Variants in ADGRG4 observed in about 807,000 individuals in gnomAD.
The protein encoded by ADGRG4 is adhesion G protein-coupled receptor G4, also known as G protein-coupled receptor 112.
ADGRG4 carries 122 observed loss-of-function variants against 126.2 expected under a neutral mutation model. That is an observed-to-expected ratio of 0.97 (90% confidence interval 0.83 to 1.12). ADGRG4 has a LOEUF of 1.12. Ranked by LOEUF, ADGRG4 falls within the 50% of genes most tolerant of loss-of-function variation. The pLI is 0.00. For missense variants in ADGRG4, 2,481 were observed against 2,251.8 expected (o/e 1.10, Z -2.06); for synonymous variants, 943 against 838.7 (o/e 1.12, Z -2.15).
rs201233200 is a variant in ADGRG4, at chrX:136,334,074, CTCTTTCTTTCTTTCTTTCTTTCTT to C, written c.686-10276_686-10253del. Among the ~76,000 whole-genome samples the C allele has an allele frequency of 5.5e-3, 488 of 88,941 alleles. 4 individuals carry two copies. Among genetic ancestry groups the C allele is most frequent in the South Asian group, 0.011 (19 of 1,679 alleles). The allele number at this position is 88,941 out of a possible 115,157, so 77.2% of individuals were successfully genotyped here. On this transcript the variant is annotated intron_variant, in intron 5 of 25. Coordinates refer to ENST00000394143, the MANE Select transcript of ADGRG4 (RefSeq NM_153834.4). Reference sequence around the variant, plus strand: ...TGTGAGGTGTAGGTTGAGGTTCTCTCTCTTTCTTTCTTTCTTTCTTTCTTTCTTTCTTTCTTTCTTTCTTTCTTT... The same window carrying C: ...TGTGAGGTGTAGGTTGAGGTTCTCTCTCTTTCTTTCTTTCTTTCTTTCTTT...
chrX:136,405,360 A>G (rs990806560), intron 22 of ADGRG4, among the ~76,000 whole-genome samples: 14 of 111,317 alleles, frequency 1.3e-4, no homozygotes, highest in African/African-American at 4.6e-4. Flanking sequence ...ACAGAGAGCC[A>G]CTTTGGGGGA....
chrX:136,382,279 C>G (rs191663357), intron 15 of ADGRG4, among the ~76,000 whole-genome samples: 1 of 111,686 alleles, frequency 9.0e-6, no homozygotes, highest in African/African-American at 3.3e-5. Flanking sequence ...ATTAACAATA[C>G]TTAAATGCTG....
intron 13 of ADGRG4, among the ~76,000 whole-genome samples, chrX:136,365,774 C>T (rs1050599767): frequency 7.1e-5 from 8 of 111,899 alleles, no homozygotes; most frequent in Admixed American, 1.9e-4. Flanking sequence ...GTAGTAATGC[C>T]CCCCAACACA....
chrX:136,381,878 A>G (rs2075265923), intron 15 of ADGRG4, among the ~76,000 whole-genome samples: 2 of 111,295 alleles, frequency 1.8e-5, no homozygotes, highest in African/African-American at 6.5e-5. Context: ...AGAAAGATGC[A>G]GGCTGGGAGG....
chrX:136,308,164 C>T (rs1205693400), intron 3 of ADGRG4, among the ~76,000 whole-genome samples: 2 of 112,851 alleles, frequency 1.8e-5, no homozygotes, highest in South Asian at 3.6e-4. Flanking sequence ...AGCGCAGTGG[C>T]GCAATCTCGG....
In ADGRG4 at chrX:136,371,543, G is replaced by T; in HGVS notation, c.7612G>T (p.Glu2538Ter). Reference sequence around the variant, plus strand: ...CTCTGATCTGCATGAAATAAGCAATGAGTAAGTACTAATACTTTGGTGAAA... The same window carrying T: ...CTCTGATCTGCATGAAATAAGCAATTAGTAAGTACTAATACTTTGGTGAAA... Reference protein sequence around the residue: ...SASDLHEISNEILRIIERTGH... With the variant: ...SASDLHEISN The change falls in exon 14 of 26, where the codon GAA (glutamate) becomes TAA (stop). Residue 2538 changes from glutamate to a stop codon, truncating the protein, a stop_gained and splice_region_variant. Transcript: ENST00000394143. LOFTEE classifies it high-confidence loss of function. The T allele has an allele frequency of 9.0e-7, 1 of 1,115,759 alleles. No homozygotes were observed. Among genetic ancestry groups the T allele is most frequent in the South Asian group, 2.1e-5 (1 of 47,434 alleles). The allele number at this position is 1,115,759 out of a possible 1,213,427, so 92.0% of individuals were successfully genotyped here.
intron 22 of ADGRG4, 39 bp from the exon 23 acceptor site, chrX:136,405,653 G>A (rs771655608): frequency 6.8e-6 from 7 of 1,031,741 alleles, no homozygotes; most frequent in Non-Finnish European, 7.8e-6. Flanking sequence ...AGGACTTTAT[G>A]TTTCCCTATC....
At position 136,372,925 on chromosome X, in the gene ADGRG4, C is replaced by G; in HGVS notation, c.7637C>G (p.Thr2546Ser). 2.5e-6 allele frequency: 3 copies of G among 1,211,399 alleles called. No individual in the cohort carries two copies. The highest frequency in any genetic ancestry group is 3.4e-6 in the Non-Finnish European group (3 of 895,116). Residue 2546 changes from threonine (T) to serine (S), a missense_variant, in exon 15 of 26, where the codon ACT becomes AGT. Transcript: ENST00000394143. Reference sequence around the variant, plus strand: ...AGAATTCTGAGGATAATTGAGCGTACTGGTCACAAGATGGAGTTTTCTGGG... The same window carrying G: ...AGAATTCTGAGGATAATTGAGCGTAGTGGTCACAAGATGGAGTTTTCTGGG... The part of the protein sequence containing the change: ...SNEILRIIER[T>S]GHKMEFSGQI...
intron 4 of ADGRG4, among the ~76,000 whole-genome samples, chrX:136,313,942 A>G (rs2148446088): frequency 9.0e-6 from 1 of 111,115 alleles, no homozygotes; most frequent in South Asian, 3.9e-4. Context: ...TCTTCTGGAA[A>G]TGGCTTCTCT....
intron 4 of ADGRG4, among the ~76,000 whole-genome samples, chrX:136,311,394 T>TACAC (rs72201867): frequency 0.29 from 27,323 of 95,318 alleles, 3,433 homozygotes; most frequent in Middle Eastern, 0.36. Context: ...TCATACCATG[T>TACAC]ACACACACAC....
In ADGRG4 at chrX:136,412,302, G is replaced by T. The variant is rs186158744; in HGVS notation, c.8973G>T (p.Glu2991Asp). Residue 2991 changes from glutamate (E) to aspartate (D), a missense_variant, in exon 24 of 26, where the codon GAG becomes GAT. Coordinates refer to ENST00000394143, the MANE Select transcript of ADGRG4 (RefSeq NM_153834.4). ...TTGTGTTTCACTGTGTGATGAAGGA[G>T]AGTGTGCGGGAGCAGTGGCAGATAC... is the stretch of plus-strand genomic sequence containing the variant. The part of the protein sequence containing the change: ...FIFVFHCVMK[E>D]SVREQWQIHL... 8 of 1,201,774 alleles carry T rather than the reference G, an allele frequency of 6.7e-6. No homozygotes were observed. Among genetic ancestry groups the T allele is most frequent in the African/African-American group, 3.5e-5 (2 of 57,200 alleles).
In ADGRG4 at chrX:136,349,798, C is replaced by A; in HGVS notation, c.6092C>A (p.Thr2031Asn). Residue 2031 changes from threonine (T) to asparagine (N), a missense_variant, in exon 6 of 26, where the codon ACT becomes AAT. Thr to Asn is a moderately conservative substitution (Grantham distance 65). Transcript: ENST00000394143. ...ATVSNAPHVMTSSTVEVSKST... is the reference protein window; with the variant it reads ...ATVSNAPHVMNSSTVEVSKST... ...GTATCTAATGCCCCTCATGTTATGA[C>A]TTCCTCTACAGTAGAGGTGTCAAAA... 1 of 1,210,451 alleles carries A rather than the reference C, an allele frequency of 8.3e-7. No individual in the cohort carries two copies.
At position 136,323,289 on chromosome X, in the gene ADGRG4, C is replaced by T; in HGVS notation, c.582C>T (p.Asn194=). 8.3e-6 allele frequency: 10 copies of T among 1,210,690 alleles called. No homozygotes were observed. Among genetic ancestry groups the T allele is most frequent in the Non-Finnish European group, 1.1e-5 (10 of 895,048 alleles). Residue 194 remains asparagine, a synonymous_variant, in exon 5 of 26, where the codon AAC becomes AAT. Coordinates refer to ENST00000394143, the MANE Select transcript of ADGRG4 (RefSeq NM_153834.4). ...AACTCTGGGACCACATCCTGGAAAA[C>T]GAAGAGTTTATGAAGTGTTTAGATG... is the stretch of plus-strand genomic sequence containing the variant. ...YFQLWDHILE[N]EEFMKCLDGN...
At chrX:136,382,734 A>G (rs1408456002) in intron 15 of ADGRG4, among the ~76,000 whole-genome samples, 2 of 111,506 alleles carry the variant, frequency 1.8e-5, no homozygotes, top group Non-Finnish European at 1.9e-5. Flanking sequence ...TTTCATCTTG[A>G]TAGTCCGGAT....
At chrX:136,334,274 A>G (rs1474492799) in intron 5 of ADGRG4, among the ~76,000 whole-genome samples, 1 of 110,711 alleles carries the variant, frequency 9.0e-6, no homozygotes, top group African/African-American at 3.3e-5. Flanking sequence ...TTATGTGTCT[A>G]TTTCTGAATT....
chrX:136,395,266 C>G (rs2075340302), intron 18 of ADGRG4, 124 bp from the exon 19 acceptor site: 1 of 427,179 alleles, frequency 2.3e-6, no homozygotes, highest in Non-Finnish European at 4.0e-6. Flanking sequence ...AATTATACCC[C>G]TAATCTTGCT....
At position 136,348,326 on chromosome X, in the gene ADGRG4, T is replaced by G; in HGVS notation, c.4620T>G (p.Ser1540=). ...CCCCAATAGTGATAACTAAATCTTC[T>G]AAAACAATGCATCCAGGTTGTTTGA... The part of the protein sequence containing the change: ...DTPPIVITKS[S]KTMHPGCLKS... The change falls in exon 6 of 26, where the codon TCT becomes TCG. Residue 1540 remains serine, a synonymous_variant. Coordinates refer to ENST00000394143, the MANE Select transcript of ADGRG4 (RefSeq NM_153834.4). 8.3e-7 allele frequency: 1 copy of G among 1,210,116 alleles called. No individual in the cohort carries two copies. The highest frequency in any genetic ancestry group is 1.1e-6 in the Non-Finnish European group (1 of 894,308).
chrX:136,358,691 G>A (rs781671439), intron 10 of ADGRG4, among the ~76,000 whole-genome samples: 6 of 111,599 alleles, frequency 5.4e-5, no homozygotes, highest in Non-Finnish European at 1.1e-4. Flanking sequence ...TTTCCCTGAG[G>A]CTGAGTTCCA....
At chrX:136,334,287 C>T (rs189897547) in intron 5 of ADGRG4, among the ~76,000 whole-genome samples, 25 of 111,228 alleles carry the variant, frequency 2.2e-4, no homozygotes, top group African/African-American at 7.8e-4. Flanking sequence ...TCTGAATTTT[C>T]CATCTTTTCC....
Sources: gnomAD v4.1 joint callset for allele counts (sites outside exome capture counted in the v4.1 genomes callset) on GRCh38, gnomAD v4.1.1 for gene constraint, MANE v1.5 for transcripts, NCBI Gene and HGNC (gene_info 2026-07-23, HGNC 2026-07-21) for gene names.